Variants in ATP2B2 observed in about 807,000 individuals in gnomAD.
The protein encoded by ATP2B2 is plasma membrane calcium-transporting ATPase 2.
ATP2B2 carries 15 observed loss-of-function variants against 120.0 expected under a neutral mutation model. That is an observed-to-expected ratio of 0.12 (90% CI 0.08 to 0.19). ATP2B2 has a LOEUF of 0.19. ATP2B2 is among the 10% of genes least tolerant of loss of function. ATP2B2 has a pLI of 1.00. For synonymous variants in ATP2B2, 694 were observed against 700.3 expected (o/e 0.99, Z 0.14); for missense variants, 1,045 against 1,719.8 (o/e 0.61, Z 6.94).
chr3:10,469,898 C>A (rs9310363), intron 1 of ATP2B2, among the ~76,000 whole-genome samples: 2,619 of 152,086 alleles, frequency 0.017, 84 homozygotes, highest in African/African-American at 0.06. Context: ...CCAGCTCGCG[C>A]CTTGGTTGCC....
At chr3:10,552,438 G>A (rs1025345885) in intron 2 of ATP2B2, among the ~76,000 whole-genome samples, 1 of 152,212 alleles carries the variant, frequency 6.6e-6, no homozygotes, top group African/African-American at 2.4e-5. Context: ...CCTGGGGTGA[G>A]GGAAAAATCC....
intron 1 of ATP2B2, among the ~76,000 whole-genome samples, chr3:10,632,837 A>C (rs914474778): frequency 1.3e-5 from 2 of 152,186 alleles, no homozygotes; most frequent in African/African-American, 2.4e-5. Flanking sequence ...ACAGCCCCGG[A>C]ATAGTGAGGC....
chr3:10,646,474 C>T (rs1198057389), intron 1 of ATP2B2, among the ~76,000 whole-genome samples: 1 of 152,112 alleles, frequency 6.6e-6, no homozygotes, highest in Non-Finnish European at 1.5e-5. Context: ...GTGACGTTTG[C>T]GATTCCTCTT....
intron 2 of ATP2B2, among the ~76,000 whole-genome samples, chr3:10,595,402 G>A (rs906439876): frequency 7.9e-5 from 12 of 152,196 alleles, no homozygotes; most frequent in African/African-American, 2.9e-4. Flanking sequence ...AGAGTTCTCA[G>A]TGGAATAATA....
intron 2 of ATP2B2, among the ~76,000 whole-genome samples, chr3:10,540,696 A>C (rs918456796): frequency 2.5e-5 from 3 of 119,642 alleles, no homozygotes; most frequent in African/African-American, 9.6e-5. Flanking sequence ...AGGGTGGAGA[A>C]CATCACACAC....
chr3:10,437,198 G>A lies in ATP2B2; in HGVS notation c.199+12147C>T, dbSNP rs146938510. On this transcript the variant is annotated intron_variant, in intron 2 of 22. Coordinates refer to ENST00000360273, the MANE Select transcript of ATP2B2 (RefSeq NM_001001331.4). ...GTGCCAGATGGCTGTGTGAGGCTGC[G>A]CAAGATGCCTCCCTCTCTGGGCCTC... Among the ~76,000 whole-genome samples the A allele has an allele frequency of 5.1e-4, 78 of 152,126 alleles. 1 individual carries two copies. In the South Asian group the frequency reaches 5.4e-3, roughly 11 times the overall value.
chr3:10,561,093 C>T (rs2125529577), intron 2 of ATP2B2, among the ~76,000 whole-genome samples: 1 of 152,346 alleles, frequency 6.6e-6, no homozygotes, highest in South Asian at 2.1e-4. Flanking sequence ...CTGTACAAGT[C>T]TCCCCTTGCA....
In ATP2B2 at chr3:10,359,010, C is replaced by T. The variant is rs73129271; in HGVS notation, c.1902-85G>A. ...AGACCACCTCCCCACCCTCGTGATGCCCAGCTAGCTGTGGCTGGTCATCCA... is the reference window on the plus strand; with the variant it reads ...AGACCACCTCCCCACCCTCGTGATGTCCAGCTAGCTGTGGCTGGTCATCCA... On this transcript the variant is annotated intron_variant, in intron 13 of 22. Coordinates refer to ENST00000360273, the MANE Select transcript of ATP2B2 (RefSeq NM_001001331.4). The T allele has an allele frequency of 2.5e-3, 3,216 of 1,296,318 alleles. 71 individuals carry two copies. In the African/African-American group the frequency reaches 0.042, roughly 17 times the overall value. 80.3% of individuals were successfully genotyped at this position (1,296,318 alleles called of 1,614,324 possible). A position where few individuals can be genotyped will look rare whatever the true frequency, so the allele number is the denominator to read the frequency against.
chr3:10,520,351 G>A (rs1024697745), intron 3 of ATP2B2, among the ~76,000 whole-genome samples: 3 of 152,246 alleles, frequency 2.0e-5, no homozygotes, highest in South Asian at 2.1e-4. Flanking sequence ...CTGCCCTTGC[G>A]AGGTAATAGT....
intron 1 of ATP2B2, among the ~76,000 whole-genome samples, chr3:10,704,058 A>C: frequency 6.7e-6 from 1 of 149,864 alleles, no homozygotes. Context: ...TCTTCCCCTC[A>C]CTCCCTCTGC....
At position 10,644,136 on chromosome 3, in the gene ATP2B2, G is replaced by A. The variant is rs544176398; in HGVS notation, c.-459-24175C>T. On this transcript the variant is annotated intron_variant, in intron 1 of 21. Coordinates refer to the ATP2B2 transcript ENST00000646379. ...AAAGGGCTTGAACAGACATTTCCCC[G>A]AAGAATATATACAAATAACCAGCAA... Among the ~76,000 whole-genome samples, 190 of 152,218 alleles carry A rather than the reference G, an allele frequency of 1.2e-3. 1 individual carries two copies. The highest frequency in any genetic ancestry group is 4.1e-3 in the African/African-American group (171 of 41,532).
intron 3 of ATP2B2, among the ~76,000 whole-genome samples, chr3:10,405,294 T>C (rs2062371469): frequency 6.6e-6 from 1 of 152,176 alleles, no homozygotes; most frequent in South Asian, 2.1e-4. Context: ...CTCCCAGCCC[T>C]ACCTGCTGCC....
chr3:10,439,195 G>A (rs1043043015), intron 2 of ATP2B2, among the ~76,000 whole-genome samples: 3 of 152,262 alleles, frequency 2.0e-5, no homozygotes, highest in Admixed American at 6.5e-5. Flanking sequence ...CCCATCTGAT[G>A]TCTACAGAAT....
intron 9 of ATP2B2, 108 bp downstream of exon 9, chr3:10,379,135 G>T: frequency 7.7e-7 from 1 of 1,301,946 alleles, no homozygotes; most frequent in Non-Finnish European, 1.1e-6. Flanking sequence ...TGTAGGAGTG[G>T]ATGTGTCTGC....
At chr3:10,515,506 A>G (rs1485644715) in intron 3 of ATP2B2, among the ~76,000 whole-genome samples, 2 of 152,106 alleles carry the variant, frequency 1.3e-5, no homozygotes, top group African/African-American at 4.8e-5. Context: ...AAGGGTGGTA[A>G]CCATTTCCCC....
Position 10,556,932 on chromosome 3 carries a change from C to T in ATP2B2, c.-414-22799G>A, listed in dbSNP as rs1483014182. On this transcript the variant is annotated intron_variant, in intron 2 of 21. Coordinates refer to the ATP2B2 transcript ENST00000646379. ...AGGTGAAGTGCTTTGCCCAAGGTCA[C>T]ATAGCTGGTAGGCAGCTAAGTCAGG... Among the ~76,000 whole-genome samples, 3 of 152,216 alleles carry T rather than the reference C, an allele frequency of 2.0e-5. No individual in the cohort carries two copies. The East Asian group carries it at 5.8e-4, about 29-fold the overall frequency.
intron 8 of ATP2B2, among the ~76,000 whole-genome samples, chr3:10,382,993 T>G (rs971384126): frequency 6.6e-6 from 1 of 152,020 alleles, no homozygotes; most frequent in African/African-American, 2.4e-5. Context: ...GAAAGCCTGT[T>G]AAAATGCAGA....
At chr3:10,540,515 T>A (rs960611872) in intron 2 of ATP2B2, among the ~76,000 whole-genome samples, 1 of 152,084 alleles carries the variant, frequency 6.6e-6, no homozygotes, top group Non-Finnish European at 1.5e-5. Flanking sequence ...GTGGCAGATA[T>A]ACACCATGGA....
chr3:10,349,837 G>A (rs938534786), intron 16 of ATP2B2, among the ~76,000 whole-genome samples: 1 of 152,136 alleles, frequency 6.6e-6, no homozygotes, highest in Non-Finnish European at 1.5e-5. Flanking sequence ...CCCATTCAGC[G>A]CTGAGCCAGG....
Sources: gnomAD v4.1 joint callset for allele counts (sites outside exome capture counted in the v4.1 genomes callset) on GRCh38, gnomAD v4.1.1 for gene constraint, MANE v1.5 for transcripts, NCBI Gene and HGNC (gene_info 2026-07-23, HGNC 2026-07-21) for gene names.